The following ADAMTS6 variants were observed in gnomAD, a reference collection of about 807,000 sequenced individuals.
ADAMTS6 encodes A disintegrin and metalloproteinase with thrombospondin motifs 6.
In ADAMTS6, 23 loss-of-function variants were observed where a neutral mutation model predicts 144.3. The observed-to-expected ratio is 0.16, with a 90% CI of 0.11 to 0.23. The LOEUF (loss-of-function observed/expected upper bound fraction) is 0.23, where lower values mean the gene tolerates loss of function less well. Ranked by LOEUF, ADAMTS6 falls within the 10% of genes least tolerant of loss-of-function variation. The pLI is 1.00. For synonymous variants in ADAMTS6, 444 were observed against 457.5 expected, an observed-to-expected ratio of 0.97 and a Z score of 0.38; for missense variants, 999 against 1,379.6, an observed-to-expected ratio of 0.72 and a Z score of 4.37.
At chr5:65,274,096 G>A (rs901438904) in intron 11 of ADAMTS6, among the ~76,000 whole-genome samples, 5 of 152,076 alleles carry the variant, frequency 3.3e-5, no homozygotes, top group Non-Finnish European at 5.9e-5. Flanking sequence ...TGGGTATGTT[G>A]TGTGGAGTTG....
chr5:65,339,455 C>CAAAA (rs538468970), intron 7 of ADAMTS6, among the ~76,000 whole-genome samples: 207 of 108,664 alleles, frequency 1.9e-3, no homozygotes, highest in African/African-American at 5.6e-3. Flanking sequence ...ATAAAAAAAG[C>CAAAA]AAAAAAAAAA....
Position 65,473,919 on chromosome 5 carries a change from C to CCTG in ADAMTS6, c.-247_-246insCAG. Reference sequence around the variant, plus strand: ...AAGTTTTCATAAGCAAAGCATTAGGCTGATTAGTTACTAAAGTATGGCCAT... The same window carrying CCTG: ...AAGTTTTCATAAGCAAAGCATTAGGCCTGTGATTAGTTACTAAAGTATGGCCAT... On this transcript the variant is annotated 5_prime_UTR_variant, in exon 2 of 25. Transcript: ENST00000381055. 2.1e-6 allele frequency: 1 copy of CCTG among 470,162 alleles called. No homozygotes were observed. The highest frequency in any genetic ancestry group is 3.8e-6 in the Non-Finnish European group (1 of 266,240). 29.1% of individuals were successfully genotyped at this position (470,162 alleles called of 1,614,324 possible).
intron 7 of ADAMTS6, among the ~76,000 whole-genome samples, chr5:65,375,385 A>C (rs1175700366): frequency 6.6e-6 from 1 of 151,780 alleles, no homozygotes; most frequent in Non-Finnish European, 1.5e-5. Context: ...AATATCCAGA[A>C]TCTACAATGA....
At chr5:65,282,538 G>A (rs559898171) in intron 11 of ADAMTS6, among the ~76,000 whole-genome samples, 1 of 152,220 alleles carries the variant, frequency 6.6e-6, no homozygotes, top group South Asian at 2.1e-4. Flanking sequence ...ATTCTCAGCA[G>A]AATGTGTCTT....
At chr5:65,402,469 AT>A (rs1170040796) in intron 7 of ADAMTS6, among the ~76,000 whole-genome samples, 1 of 152,106 alleles carries the variant, frequency 6.6e-6, no homozygotes, top group Non-Finnish European at 1.5e-5. Flanking sequence ...ACTTTCATCA[AT>A]GATTACTTCA....
At chr5:65,284,801 A>T (rs1763240886) in intron 11 of ADAMTS6, among the ~76,000 whole-genome samples, 1 of 152,108 alleles carries the variant, frequency 6.6e-6, no homozygotes, top group Non-Finnish European at 1.5e-5. Context: ...GTTATGTCAT[A>T]TTCTCCTTTT....
At chr5:65,370,390 G>T (rs754900502) in intron 7 of ADAMTS6, among the ~76,000 whole-genome samples, 55 of 152,184 alleles carry the variant, frequency 3.6e-4, no homozygotes, top group Non-Finnish European at 7.1e-4. Flanking sequence ...GGGAGTGTCA[G>T]ACAGCGCGCG....
At chr5:65,303,574 TTAA>T (rs1743639778) in intron 9 of ADAMTS6, among the ~76,000 whole-genome samples, 1 of 151,662 alleles carries the variant, frequency 6.6e-6, no homozygotes, top group Non-Finnish European at 1.5e-5. Context: ...TAGAAACAAA[TTAA>T]TAAACTTTCA....
chr5:65,400,943 G>A (rs1288486514), intron 7 of ADAMTS6, among the ~76,000 whole-genome samples: 1 of 152,072 alleles, frequency 6.6e-6, no homozygotes, highest in Non-Finnish European at 1.5e-5. Context: ...GTTCTCATCT[G>A]TGCTTGCATG....
intron 7 of ADAMTS6, among the ~76,000 whole-genome samples, chr5:65,374,541 C>G (rs529319695): frequency 1.3e-5 from 2 of 151,600 alleles, no homozygotes; most frequent in African/African-American, 2.4e-5. Flanking sequence ...ACCTAGGAAT[C>G]CAACTTACAA....
intron 7 of ADAMTS6, among the ~76,000 whole-genome samples, chr5:65,380,721 T>G (rs1430467061): frequency 6.6e-6 from 1 of 152,206 alleles, no homozygotes; most frequent in African/African-American, 2.4e-5. Flanking sequence ...GCCACAGATT[T>G]TTTGTGTGTA....
intron 7 of ADAMTS6, among the ~76,000 whole-genome samples, chr5:65,398,527 C>T (rs960970847): frequency 1.3e-5 from 2 of 151,920 alleles, no homozygotes; most frequent in Non-Finnish European, 2.9e-5. Flanking sequence ...GAGTTCGAGA[C>T]CGGCCTGGCC....
chr5:65,296,958 C>A (rs991505152), intron 10 of ADAMTS6: 1 of 204,732 alleles, frequency 4.9e-6, no homozygotes, highest in Non-Finnish European at 1.0e-5. Context: ...GTATGAAAAA[C>A]TGGCTTAAAT....
chr5:65,407,002 C>T (rs1460683287), intron 7 of ADAMTS6, among the ~76,000 whole-genome samples: 1 of 152,074 alleles, frequency 6.6e-6, no homozygotes, highest in South Asian at 2.1e-4. Context: ...ACCAAATCTA[C>T]GTCTGCTTGG....
chr5:65,391,363 T>C (rs1752894880), intron 7 of ADAMTS6, among the ~76,000 whole-genome samples: 1 of 152,158 alleles, frequency 6.6e-6, no homozygotes, highest in Non-Finnish European at 1.5e-5. Context: ...CAGACTTATC[T>C]ATTGATACTG....
At chr5:65,430,467 C>T (rs1756907300) in intron 7 of ADAMTS6, among the ~76,000 whole-genome samples, 1 of 152,132 alleles carries the variant, frequency 6.6e-6, no homozygotes, top group African/African-American at 2.4e-5. Flanking sequence ...ACTTTCGGAA[C>T]ATTTAAAACC....
In ADAMTS6 at chr5:65,438,528, T is replaced by C. The variant is rs983187792; in HGVS notation, c.1073+12947A>G. 3.9e-5 allele frequency among the ~76,000 whole-genome samples: 6 copies of C among 151,968 alleles called. 1 individual carries two copies. The highest frequency in any genetic ancestry group is 3.9e-4 in the Admixed American group (6 of 15,244). ...GGTAACAGAGTGAGATTCCATCTTA[T>C]ACATACATACATACATAAAAAAATA... On this transcript the variant is annotated intron_variant, in intron 7 of 24. Coordinates refer to ENST00000381055, the MANE Select transcript of ADAMTS6 (RefSeq NM_197941.4).
At chr5:65,159,206 G>A (rs771872212) in intron 24 of ADAMTS6, among the ~76,000 whole-genome samples, 5 of 151,848 alleles carry the variant, frequency 3.3e-5, no homozygotes, top group East Asian at 1.9e-4. Flanking sequence ...CTTAGTTCAC[G>A]CCTCCATCCT....
intron 7 of ADAMTS6, among the ~76,000 whole-genome samples, chr5:65,338,152 A>C (rs1053936982): frequency 2.6e-5 from 4 of 152,244 alleles, no homozygotes; most frequent in Non-Finnish European, 5.9e-5. Flanking sequence ...GGATAGAAAA[A>C]TAGCACCTTA....
Sources: allele counts gnomAD v4.1 joint callset (sites outside exome capture counted in the v4.1 genomes callset), GRCh38; gene constraint gnomAD v4.1.1; transcripts MANE v1.5; gene names NCBI Gene and HGNC (gene_info 2026-07-23, HGNC 2026-07-21).